SPIDR: variants seen among roughly 807,000 people sequenced by gnomAD.
The protein encoded by SPIDR is DNA repair-scaffolding protein.
A neutral mutation model predicts 104.6 loss-of-function variants in SPIDR; 93 were observed. The observed-to-expected ratio is 0.89, with a 90% confidence interval of 0.75 to 1.06. SPIDR has a LOEUF of 1.06. SPIDR is among the 50% of genes least tolerant of loss of function. SPIDR has a pLI of 0.00. For synonymous variants in SPIDR, 431 were observed against 416.9 expected (o/e 1.03, Z -0.41); for missense variants, 1,154 against 1,111.2 (o/e 1.04, Z -0.55).
chr8:47,324,320 T>TATCCCCC (rs1318620249), intron 5 of SPIDR, among the ~76,000 whole-genome samples: 14 of 146,634 alleles, frequency 9.5e-5, no homozygotes, highest in Admixed American at 1.4e-4. Context: ...TTCTTTCCCC[T>TATCCCCC]ATCCCCCATC....
At chr8:47,278,973 A>G (rs1471621306) in intron 1 of SPIDR, among the ~76,000 whole-genome samples, 3 of 151,716 alleles carry the variant, frequency 2.0e-5, no homozygotes, top group African/African-American at 7.3e-5. Context: ...TGCAGCCTCA[A>G]ACTCCTGGGC....
chr8:47,520,500 ATT>A (rs946231859), intron 8 of SPIDR, among the ~76,000 whole-genome samples: 2 of 152,024 alleles, frequency 1.3e-5, no homozygotes, highest in Non-Finnish European at 2.9e-5. Flanking sequence ...TACCATGAAT[ATT>A]TTTCTCTCTC....
At chr8:47,722,768 T>C (rs1739206347) in intron 16 of SPIDR, among the ~76,000 whole-genome samples, 2 of 152,184 alleles carry the variant, frequency 1.3e-5, no homozygotes, top group South Asian at 4.1e-4. Flanking sequence ...GGATTTTTTA[T>C]TGGTTTTTTC....
chr8:47,715,164 G>A (rs1001171463), intron 16 of SPIDR, among the ~76,000 whole-genome samples: 1 of 151,616 alleles, frequency 6.6e-6, no homozygotes, highest in Non-Finnish European at 1.5e-5. Flanking sequence ...TTTTTGGGGG[G>A]GTTTTTTGTT....
intron 8 of SPIDR, among the ~76,000 whole-genome samples, chr8:47,562,253 T>C (rs2057175461): frequency 6.6e-6 from 1 of 152,230 alleles, no homozygotes; most frequent in Non-Finnish European, 1.5e-5. Flanking sequence ...AACATTTCAT[T>C]GGTTTAAAAA....
chr8:47,693,810 G>A (rs1414564773), intron 11 of SPIDR, among the ~76,000 whole-genome samples: 6 of 152,230 alleles, frequency 3.9e-5, no homozygotes, highest in Non-Finnish European at 1.5e-5. Flanking sequence ...GAACCCAACA[G>A]TGATTCTTAC....
At chr8:47,627,239 G>C (rs1463436215) in intron 10 of SPIDR, among the ~76,000 whole-genome samples, 3 of 152,140 alleles carry the variant, frequency 2.0e-5, no homozygotes, top group African/African-American at 7.2e-5. Context: ...GGACTGTTGT[G>C]GGGTGGCGGG....
chr8:47,459,195 T>A (rs568776078), intron 8 of SPIDR, among the ~76,000 whole-genome samples: 3 of 152,204 alleles, frequency 2.0e-5, no homozygotes, highest in African/African-American at 4.8e-5. Context: ...CTATCTTGTG[T>A]AATAGTGTCA....
intron 8 of SPIDR, among the ~76,000 whole-genome samples, chr8:47,487,759 G>A (rs1457120897): frequency 3.9e-5 from 6 of 152,058 alleles, no homozygotes; most frequent in Non-Finnish European, 7.4e-5. Context: ...ATGACTACTG[G>A]GTACATAACG....
intron 5 of SPIDR, among the ~76,000 whole-genome samples, chr8:47,322,234 C>A (rs868913492): frequency 3.3e-5 from 5 of 151,966 alleles, no homozygotes; most frequent in East Asian, 1.9e-4. Context: ...CAATGAGCTC[C>A]AACAAATTTT....
intron 5 of SPIDR, among the ~76,000 whole-genome samples, chr8:47,311,539 C>T (rs980905771): frequency 6.6e-6 from 1 of 152,134 alleles, no homozygotes; most frequent in Non-Finnish European, 1.5e-5. Context: ...AAAATCCTGC[C>T]TAGTTGCAGT....
chr8:47,436,648 C>A (rs2068379147), intron 7 of SPIDR, among the ~76,000 whole-genome samples: 1 of 152,180 alleles, frequency 6.6e-6, no homozygotes, highest in Non-Finnish European at 1.5e-5. Context: ...ATCCCTTGAG[C>A]CCAGGTTATC....
intron 8 of SPIDR, among the ~76,000 whole-genome samples, chr8:47,565,992 A>ATATATTT (rs1554802202): frequency 6.7e-5 from 1 of 14,952 alleles, no homozygotes; most frequent in African/African-American, 1.7e-4. Context: ...ATATATATAT[A>ATATATTT]TTTTTTTTTT....
chr8:47,495,463 A>G (rs2079298191), intron 8 of SPIDR, among the ~76,000 whole-genome samples: 1 of 152,078 alleles, frequency 6.6e-6, no homozygotes, highest in African/African-American at 2.4e-5. Flanking sequence ...GGTTTTTTAT[A>G]TACTCACAGA....
chr8:47,694,415 G>A (rs2079059878), intron 11 of SPIDR, among the ~76,000 whole-genome samples: 1 of 152,022 alleles, frequency 6.6e-6, no homozygotes, highest in South Asian at 2.1e-4. Flanking sequence ...AGAGAGGGGA[G>A]ACAATCTAAA....
chr8:47,539,864 A>G (rs1484343156), intron 8 of SPIDR, among the ~76,000 whole-genome samples: 2 of 151,938 alleles, frequency 1.3e-5, no homozygotes, highest in South Asian at 2.1e-4. Context: ...CTCTCTCTCC[A>G]TGGTGGGAAG....
At chr8:47,490,854 G>A (rs781849368) in intron 8 of SPIDR, among the ~76,000 whole-genome samples, 8 of 152,122 alleles carry the variant, frequency 5.3e-5, no homozygotes, top group Non-Finnish European at 1.0e-4. Flanking sequence ...GCTAGGGTGC[G>A]GGGAGAGGGG....
At chr8:47,289,433 T>G (rs1422849808) in intron 3 of SPIDR, among the ~76,000 whole-genome samples, 1 of 152,188 alleles carries the variant, frequency 6.6e-6, no homozygotes, top group Non-Finnish European at 1.5e-5. Flanking sequence ...TGTTTTAGCA[T>G]TATATTTACA....
chr8:47,329,569 C>A (rs887842633), intron 5 of SPIDR, among the ~76,000 whole-genome samples: 2 of 152,142 alleles, frequency 1.3e-5, no homozygotes, highest in African/African-American at 4.8e-5. Context: ...ACATCTCAAC[C>A]AAATCTTCCT....
Sources: allele counts gnomAD v4.1 joint callset (sites outside exome capture counted in the v4.1 genomes callset), GRCh38; gene constraint gnomAD v4.1.1; transcripts MANE v1.5; gene names NCBI Gene and HGNC (gene_info 2026-07-23, HGNC 2026-07-21).